Variants in SLC22A14 observed in about 807,000 individuals in gnomAD.
The protein encoded by SLC22A14 is organic cation transporter-like 4.
A neutral mutation model predicts 53.9 loss-of-function variants in SLC22A14; 50 were observed. That is an observed-to-expected ratio of 0.93 (90% CI 0.74 to 1.17). The LOEUF is 1.17. SLC22A14 is among the 50% of genes most tolerant of loss of function. The pLI is 0.00. For missense variants in SLC22A14, 671 were observed against 734.7 expected, an observed-to-expected ratio of 0.91 and a Z score of 1.00; for synonymous variants, 312 against 303.0, an observed-to-expected ratio of 1.03 and a Z score of -0.31.
intron 10 of SLC22A14, 147 bp downstream of exon 10, chr3:38,316,671 G>A (rs112821074): frequency 5.7e-6 from 4 of 701,624 alleles, no homozygotes; most frequent in East Asian, 5.4e-5. Context: ...CAGTCTCTCC[G>A]CTCCTCTGGC....
At chr3:38,312,624 G>C (rs569564847) in intron 5 of SLC22A14, among the ~76,000 whole-genome samples, 1 of 152,178 alleles carries the variant, frequency 6.6e-6, no homozygotes, top group Non-Finnish European at 1.5e-5. Context: ...AGGGCATGGG[G>C]GCTCTACAGG....
intron 9 of SLC22A14, 147 bp from the exon 10 acceptor site, chr3:38,316,177 C>T: frequency 1.4e-6 from 1 of 699,760 alleles, no homozygotes; most frequent in Non-Finnish European, 2.4e-6. Flanking sequence ...GAAGGAGGCC[C>T]AGAAGAAATT....
At chr3:38,295,370 G>A (rs201816200) in intron 1 of SLC22A14, among the ~76,000 whole-genome samples, 3,831 of 105,250 alleles carry the variant, frequency 0.036, no homozygotes, top group African/African-American at 0.056. Flanking sequence ...TCACAATGAG[G>A]TTTCCTCTAA....
chr3:38,290,252 G>A (rs1028843454), intron 1 of SLC22A14, among the ~76,000 whole-genome samples: 7 of 152,152 alleles, frequency 4.6e-5, no homozygotes, highest in Non-Finnish European at 8.8e-5. Flanking sequence ...TGCTTCCTGC[G>A]GAATTGGGGC....
At chr3:38,312,832 C>A (rs563567420) in intron 5 of SLC22A14, among the ~76,000 whole-genome samples, 167 bp from the exon 6 acceptor site, 2 of 152,248 alleles carry the variant, frequency 1.3e-5, no homozygotes, top group East Asian at 3.9e-4. Context: ...GGCTGACCAC[C>A]AGGGAGGAGC....
At chr3:38,304,052 G>A (rs897899719) in intron 1 of SLC22A14, among the ~76,000 whole-genome samples, 13 of 151,956 alleles carry the variant, frequency 8.6e-5, no homozygotes, top group East Asian at 3.9e-4. Context: ...TTAGCCGGGC[G>A]TGGTGGCGGG....
At chr3:38,304,367 C>T (rs570856376) in intron 1 of SLC22A14, among the ~76,000 whole-genome samples, 25 of 152,108 alleles carry the variant, frequency 1.6e-4, no homozygotes, top group African/African-American at 6.0e-4. Context: ...TCTTCGCTCT[C>T]CTGGTTTCCG....
At chr3:38,282,472 C>T (rs1363877168) in intron 1 of SLC22A14, 133 bp downstream of exon 1, 1 of 152,546 alleles carries the variant, frequency 6.6e-6, no homozygotes, top group African/African-American at 2.4e-5. Flanking sequence ...AGGAGCCTGC[C>T]TGGGCCTGTT....
chr3:38,290,277 G>T (rs371580088), intron 1 of SLC22A14, among the ~76,000 whole-genome samples: 185 of 152,304 alleles, frequency 1.2e-3, no homozygotes, highest in African/African-American at 4.4e-3. Context: ...TAGGGGTCAT[G>T]CAGTTGAGAT....
chr3:38,304,634 T>G (rs1228115026), intron 1 of SLC22A14, among the ~76,000 whole-genome samples: 1 of 152,164 alleles, frequency 6.6e-6, no homozygotes, highest in African/African-American at 2.4e-5. Flanking sequence ...TCAAGTGATC[T>G]ACCTGCCTGC....
At chr3:38,317,035 C>T (rs1317005487) in intron 10 of SLC22A14, among the ~76,000 whole-genome samples, 1 of 152,276 alleles carries the variant, frequency 6.6e-6, no homozygotes, top group Non-Finnish European at 1.5e-5. Flanking sequence ...TCCATGGGCA[C>T]TTCCGGCCTC....
At chr3:38,316,984 A>C (rs1490177499) in intron 10 of SLC22A14, among the ~76,000 whole-genome samples, 1 of 152,232 alleles carries the variant, frequency 6.6e-6, no homozygotes, top group Non-Finnish European at 1.5e-5. Context: ...TGGCCCCAGC[A>C]GCCCAGGACC....
In SLC22A14 at chr3:38,307,423, T is replaced by C; in HGVS notation, c.620+66T>C. The C allele has an allele frequency of 6.6e-7, 1 of 1,523,316 alleles. No homozygotes were observed. Among genetic ancestry groups the C allele is most frequent in the African/African-American group, 1.4e-5 (1 of 73,180 alleles). 94.4% of individuals were successfully genotyped at this position (1,523,316 alleles called of 1,614,324 possible). A position where few individuals can be genotyped will look rare whatever the true frequency, so the allele number is the denominator to read the frequency against. On this transcript the variant is annotated intron_variant, in intron 3 of 10. Transcript: ENST00000448498. The surrounding 1 kb of genome is among the most constrained non-coding windows in gnomAD (Gnocchi z 4.4). ...AACTCCTCCTCATGGGCATTCAGGGTTGGAGTGTGTCAGGCTGAGGGAGGT... is the reference window on the plus strand; with the variant it reads ...AACTCCTCCTCATGGGCATTCAGGGCTGGAGTGTGTCAGGCTGAGGGAGGT...
intron 4 of SLC22A14, 74 bp from the exon 5 acceptor site, chr3:38,308,880 A>T (rs1331332722): frequency 3.4e-5 from 48 of 1,417,686 alleles, no homozygotes; most frequent in Non-Finnish European, 4.4e-5. Context: ...GGGGACACCC[A>T]GCAAGGCTGG....
chr3:38,287,866 T>C (rs1415066079), intron 1 of SLC22A14, among the ~76,000 whole-genome samples: 1 of 147,950 alleles, frequency 6.8e-6, no homozygotes, highest in Non-Finnish European at 1.5e-5. Flanking sequence ...TCTTCATATA[T>C]TTCTGTATGT....
At chr3:38,315,537 G>T in intron 8 of SLC22A14, 21 bp from the exon 9 acceptor site, 1 of 1,608,792 alleles carries the variant, frequency 6.2e-7, no homozygotes. Flanking sequence ...CTGATGAGTG[G>T]AACTCCTTCA....
At chr3:38,312,943 C>A in intron 5 of SLC22A14, 56 bp from the exon 6 acceptor site, 1 of 1,558,718 alleles carries the variant, frequency 6.4e-7, no homozygotes, top group Non-Finnish European at 8.7e-7. Flanking sequence ...AGAGGGCCAG[C>A]AGGGGGTCTC....
In SLC22A14 at chr3:38,307,270, G is replaced by A. The variant is rs1704331819; in HGVS notation, c.533G>A (p.Gly178Asp). 1 of 1,613,808 alleles carries A rather than the reference G, an allele frequency of 6.2e-7. No homozygotes were observed. The highest frequency in any genetic ancestry group is 1.1e-5 in the South Asian group (1 of 91,074). ...SLINEFDLVC[G>D]METKKDTAQI... The stretch of plus-strand genomic sequence containing the variant: ...GACCCACAGTTTGACTTGGTATGTG[G>A]CATGGAGACGAAGAAGGACACTGCA... Residue 178 changes from glycine (G) to aspartate (D), a missense_variant, in exon 3 of 11, where the codon GGC becomes GAC. By Grantham distance (94) the Gly-to-Asp change is moderately conservative. Transcript: ENST00000448498. The surrounding 1 kb of genome is among the most constrained non-coding windows in gnomAD (Gnocchi z 4.4).
intron 7 of SLC22A14, 46 bp from the exon 8 acceptor site, chr3:38,313,681 T>TGG: frequency 2.7e-6 from 2 of 751,266 alleles, no homozygotes; most frequent in Non-Finnish European, 4.1e-6. Flanking sequence ...TGGCTCCGTG[T>TGG]GTGTGCGCGC....
Sources: gnomAD v4.1 joint callset for allele counts (sites outside exome capture counted in the v4.1 genomes callset) on GRCh38, gnomAD v4.1.1 for gene constraint, Gnocchi (gnomAD v3.1) non-coding constraint, MANE v1.5 for transcripts, NCBI Gene and HGNC (gene_info 2026-07-23, HGNC 2026-07-21) for gene names.